The following NCAPG variants were observed in gnomAD, a reference collection of about 807,000 sequenced individuals.
NCAPG encodes the protein non-SMC condensin I complex subunit G, also known as condensin complex subunit 3.
Under a neutral mutation model 113.1 loss-of-function variants are expected in NCAPG, and 69 were observed. The ratio of observed to expected loss-of-function variants is 0.61; its 90% CI spans 0.50 to 0.75. The LOEUF is 0.75. NCAPG is among the 30% of genes least tolerant of loss of function. The probability of loss-of-function intolerance (pLI) is 0.00; values close to 1 mark genes in which losing one functional copy is unlikely to be tolerated. For synonymous variants in NCAPG, 370 were observed against 415.8 expected (o/e 0.89, Z 1.34); for missense variants, 1,058 against 1,177.0 (o/e 0.90, Z 1.48).
At chr4:17,826,499 C>T (rs1345001859) in intron 11 of NCAPG, among the ~76,000 whole-genome samples, 1 of 151,808 alleles carries the variant, frequency 6.6e-6, no homozygotes, top group Non-Finnish European at 1.5e-5. Context: ...AGTCTGTGGG[C>T]CATTATAGGC....
intron 17 of NCAPG, 99 bp from the exon 18 acceptor site, chr4:17,839,972 T>C (rs925004244): frequency 1.4e-6 from 2 of 1,459,410 alleles, no homozygotes; most frequent in Non-Finnish European, 1.8e-6. Flanking sequence ...AAATTTCATA[T>C]AATTTAGTGT....
chr4:17,828,418 T>C, intron 12 of NCAPG, 30 bp downstream of exon 12: 1 of 1,278,802 alleles, frequency 7.8e-7, no homozygotes. Flanking sequence ...GGCTTTATTT[T>C]AGTCCACTCC....
chr4:17,834,762 G>A (rs903172611), intron 14 of NCAPG, among the ~76,000 whole-genome samples: 4 of 151,960 alleles, frequency 2.6e-5, no homozygotes, highest in African/African-American at 9.7e-5. Context: ...ATAGGTCCCA[G>A]TGTGTGATGT....
At chr4:17,818,781 T>A (rs550329722) in intron 7 of NCAPG, among the ~76,000 whole-genome samples, 5 of 152,224 alleles carry the variant, frequency 3.3e-5, no homozygotes, top group Non-Finnish European at 7.3e-5. Context: ...AAAAAACAAT[T>A]TGGATTACCA....
chr4:17,841,059 G>A (rs1722352479), intron 19 of NCAPG: 1 of 153,612 alleles, frequency 6.5e-6, no homozygotes, highest in African/African-American at 2.4e-5. Flanking sequence ...ATTTTTCTGG[G>A]CTTTGTTTTC....
At chr4:17,822,853 A>T (rs751154693) in intron 7 of NCAPG, 130 bp from the exon 8 acceptor site, 2 of 591,538 alleles carry the variant, frequency 3.4e-6, no homozygotes, top group Non-Finnish European at 5.4e-6. Flanking sequence ...TGTAGACCAA[A>T]TTACATGGCA....
intron 7 of NCAPG, among the ~76,000 whole-genome samples, chr4:17,821,611 C>G (rs1200304344): frequency 1.3e-5 from 2 of 151,686 alleles, no homozygotes; most frequent in Non-Finnish European, 2.9e-5. Flanking sequence ...TTATAGGTGC[C>G]TGCCACCACA....
chr4:17,813,014 A>T lies in NCAPG; in HGVS notation c.413A>T (p.Asp138Val), dbSNP rs941497564. The T allele has an allele frequency of 9.3e-6, 15 of 1,614,036 alleles. No homozygotes were observed. The highest frequency in any genetic ancestry group is 1.2e-5 in the Non-Finnish European group (14 of 1,179,938). ...SMPENAQIDD[D>V]VFDKINKAML... Reference sequence around the variant, plus strand: ...CCAGAAAATGCTCAGATTGATGATGATGTGTTTGATAAAATTAATAAAGCC... The same window carrying T: ...CCAGAAAATGCTCAGATTGATGATGTTGTGTTTGATAAAATTAATAAAGCC... The change falls in exon 3 of 21, where the codon GAT (aspartate) becomes GTT (valine). Residue 138 changes from aspartate (D) to valine (V), a missense_variant. Physicochemically the swap from Asp to Val is radical, Grantham distance 152. Transcript: ENST00000251496.
At position 17,842,478 on chromosome 4, in the gene NCAPG, T is replaced by TAAC. The variant is rs1323057858; in HGVS notation, c.2924+102_2924+104dup. 4.9e-5 allele frequency: 45 copies of TAAC among 925,552 alleles called. No individual in the cohort carries two copies. In the Middle Eastern group the frequency reaches 6.5e-4, roughly 13 times the overall value. 57.3% of individuals were successfully genotyped at this position (925,552 alleles called of 1,614,324 possible). On this transcript the variant is annotated intron_variant, in intron 20 of 20. Transcript: ENST00000251496. ...TTTCTTGCGAATGAGAGAGAATATA[T>TAAC]AACAAGATAGTGAAAACTATAAATA...
At chr4:17,841,852 A>T (rs879790517) in intron 19 of NCAPG, 1 of 154,402 alleles carries the variant, frequency 6.5e-6, no homozygotes, top group Non-Finnish European at 1.4e-5. Flanking sequence ...AGAAGCCATT[A>T]TTACCTTACT....
Position 17,810,982 on chromosome 4 carries a change from A to T in NCAPG, c.-96A>T. Reference sequence around the variant, plus strand: ...GCGGTAAATACTCCCTGGGGCTGTCATAGAAGACTACTCGGAGAGCGCTGC... The same window carrying T: ...GCGGTAAATACTCCCTGGGGCTGTCTTAGAAGACTACTCGGAGAGCGCTGC... On this transcript the variant is annotated 5_prime_UTR_variant, in exon 1 of 21. Coordinates refer to ENST00000251496, the MANE Select transcript of NCAPG (RefSeq NM_022346.5). The T allele has an allele frequency of 1.6e-6, 1 of 641,974 alleles. No homozygotes were observed. 39.8% of individuals were successfully genotyped at this position (641,974 alleles called of 1,614,324 possible).
chr4:17,815,124 G>T lies in NCAPG; in HGVS notation c.690+126G>T. On this transcript the variant is annotated intron_variant, in intron 4 of 20. Coordinates refer to ENST00000251496, the MANE Select transcript of NCAPG (RefSeq NM_022346.5). ...AGTTGAGGTTTTATGGAGAACACAG[G>T]TAATTTAGGTAGAATCTTACTGTAT... The T allele has an allele frequency of 2.3e-6, 3 of 1,312,242 alleles. No homozygotes were observed. The South Asian group carries it at 4.2e-5, about 18-fold the overall frequency. 81.3% of individuals were successfully genotyped at this position (1,312,242 alleles called of 1,614,324 possible). A position where few individuals can be genotyped will look rare whatever the true frequency, so the allele number is the denominator to read the frequency against.
At chr4:17,827,559 C>T (rs559142453) in intron 11 of NCAPG, among the ~76,000 whole-genome samples, 6 of 152,160 alleles carry the variant, frequency 3.9e-5, no homozygotes, top group Non-Finnish European at 7.4e-5. Flanking sequence ...GTTTAGACAA[C>T]TGGGTAGATG....
rs1333602192 is a variant in NCAPG at position 17,815,356 on chromosome 4, C to T, written c.773C>T (p.Ser258Leu). ...MLLQQGLNDR[S>L]DAVKQAMQKH... Reference sequence around the variant, plus strand: ...CTTCAACAAGGTCTTAATGACAGATCAGGTAAGATAAACAACTTTATATAT... The same window carrying T: ...CTTCAACAAGGTCTTAATGACAGATTAGGTAAGATAAACAACTTTATATAT... Residue 258 changes from serine to leucine, a missense_variant and splice_region_variant, in exon 5 of 21, where the codon TCA (serine) becomes TTA (leucine). Coordinates refer to ENST00000251496, the MANE Select transcript of NCAPG (RefSeq NM_022346.5). 5 of 1,581,244 alleles carry T rather than the reference C, an allele frequency of 3.2e-6. No individual in the cohort carries two copies. Among genetic ancestry groups the T allele is most frequent in the Non-Finnish European group, 4.3e-6 (5 of 1,170,650 alleles).
At chr4:17,839,300 G>C (rs139062304) in intron 16 of NCAPG, among the ~76,000 whole-genome samples, 1 of 152,168 alleles carries the variant, frequency 6.6e-6, no homozygotes, top group South Asian at 2.1e-4. Context: ...ACTTGTGCAC[G>C]GGCCAGTCAT....
chr4:17,817,838 A>G lies in NCAPG; in HGVS notation c.969-101A>G, dbSNP rs1181268801. 8 of 1,157,630 alleles carry G rather than the reference A, an allele frequency of 6.9e-6. No individual in the cohort carries two copies. The East Asian group carries it at 1.5e-4, about 22-fold the overall frequency. The allele number at this position is 1,157,630 out of a possible 1,614,324, so 71.7% of individuals were successfully genotyped here. A position where few individuals can be genotyped will look rare whatever the true frequency, so the allele number is the denominator to read the frequency against. On this transcript the variant is annotated intron_variant, in intron 6 of 20. Transcript: ENST00000251496. The stretch of plus-strand genomic sequence containing the variant: ...ATGACTCTAATTAAAAGGATAGTGT[A>G]GTGGTTTTAAAGCAAATCTTATTAT...
Position 17,843,436 on chromosome 4 carries a change from G to A in NCAPG, c.*11G>A. 1 of 1,610,034 alleles carries A rather than the reference G, an allele frequency of 6.2e-7. No individual in the cohort carries two copies. The highest frequency in any genetic ancestry group is 8.5e-7 in the Non-Finnish European group (1 of 1,177,076). On this transcript the variant is annotated 3_prime_UTR_variant, in exon 21 of 21. Coordinates refer to ENST00000251496, the MANE Select transcript of NCAPG (RefSeq NM_022346.5). ...GAAGATCTAAGTTAGGAAAGACGAT[G>A]GAGGTGGAATCCTTTAAGATTATGT...
At chr4:17,814,140 G>A (rs1721102968) in intron 3 of NCAPG, among the ~76,000 whole-genome samples, 1 of 152,054 alleles carries the variant, frequency 6.6e-6, no homozygotes, top group African/African-American at 2.4e-5. Flanking sequence ...CCCTTATAAA[G>A]CCATATCAGT....
intron 7 of NCAPG, among the ~76,000 whole-genome samples, chr4:17,820,695 C>G (rs1283372789): frequency 2.0e-5 from 3 of 152,106 alleles, no homozygotes; most frequent in Non-Finnish European, 1.5e-5. Context: ...TTTGGAGGAA[C>G]ATGACTAGAT....
Sources: gnomAD v4.1 joint callset for allele counts (sites outside exome capture counted in the v4.1 genomes callset) on GRCh38, gnomAD v4.1.1 for gene constraint, MANE v1.5 for transcripts, NCBI Gene and HGNC (gene_info 2026-07-23, HGNC 2026-07-21) for gene names.